Variants in SPON1 observed in about 807,000 individuals in gnomAD.
The protein encoded by SPON1 is spondin 1.
SPON1 carries 52 observed loss-of-function variants against 111.7 expected under a neutral mutation model. The ratio of observed to expected loss-of-function variants is 0.47; its 90% CI spans 0.37 to 0.59. The LOEUF (loss-of-function observed/expected upper bound fraction) is 0.59, where lower values mean the gene tolerates loss of function less well. Ranked by LOEUF, SPON1 falls within the 20% of genes least tolerant of loss-of-function variation. The probability of loss-of-function intolerance (pLI) is 0.00; values close to 1 mark genes in which losing one functional copy is unlikely to be tolerated. For synonymous variants in SPON1, 410 were observed against 395.8 expected, an observed-to-expected ratio of 1.04 and a Z score of -0.43; for missense variants, 957 against 1,068.5, an observed-to-expected ratio of 0.90 and a Z score of 1.46.
chr11:14,100,053 T>C (rs1554924243), intron 5 of SPON1, among the ~76,000 whole-genome samples: 1 of 152,148 alleles, frequency 6.6e-6, no homozygotes, highest in Non-Finnish European at 1.5e-5. Context: ...GGGGTTACAT[T>C]TCAATATGAG....
intron 6 of SPON1, among the ~76,000 whole-genome samples, chr11:14,223,835 GA>G (rs1252806459): frequency 6.6e-6 from 1 of 152,226 alleles, no homozygotes; most frequent in Admixed American, 6.5e-5. Context: ...ATAGCCAAGT[GA>G]CAAGAATTAA....
chr11:14,122,419 C>T (rs537016475), intron 5 of SPON1, among the ~76,000 whole-genome samples: 12 of 152,282 alleles, frequency 7.9e-5, no homozygotes, highest in South Asian at 6.2e-4. Flanking sequence ...GTGATCTGCC[C>T]GCCTCAGCCT....
intron 1 of SPON1, 130 bp from the exon 2 acceptor site, chr11:13,982,717 C>T (rs941949675): frequency 3.9e-5 from 26 of 667,984 alleles, no homozygotes; most frequent in Admixed American, 7.2e-5. Context: ...GGATGAAGGC[C>T]TCAACACTGT....
chr11:14,099,905 C>T (rs1305746815), intron 5 of SPON1, among the ~76,000 whole-genome samples: 1 of 152,044 alleles, frequency 6.6e-6, no homozygotes, highest in African/African-American at 2.4e-5. Flanking sequence ...AGGTGCCACA[C>T]TCTTCCAAAC....
intron 6 of SPON1, among the ~76,000 whole-genome samples, chr11:14,214,649 A>G (rs1197653671): frequency 6.6e-6 from 1 of 152,192 alleles, no homozygotes. Flanking sequence ...TCCAACTGCT[A>G]TGTCAGTCAT....
At chr11:14,205,429 T>C (rs1238174158) in intron 6 of SPON1, among the ~76,000 whole-genome samples, 2 of 152,194 alleles carry the variant, frequency 1.3e-5, no homozygotes, top group African/African-American at 4.8e-5. Context: ...AGATAGCAAT[T>C]TGGCATATTC....
chr11:14,170,875 G>GTACT (rs1848090523), intron 6 of SPON1, among the ~76,000 whole-genome samples: 1 of 152,124 alleles, frequency 6.6e-6, no homozygotes, highest in South Asian at 2.1e-4. Context: ...GCTTTTTGAT[G>GTACT]TGCTGCTGGA....
At chr11:14,226,003 G>A (rs1193786274) in intron 6 of SPON1, among the ~76,000 whole-genome samples, 2 of 152,140 alleles carry the variant, frequency 1.3e-5, no homozygotes, top group Non-Finnish European at 2.9e-5. Flanking sequence ...CTTCAATTTG[G>A]ATTTTTAAAA....
intron 6 of SPON1, among the ~76,000 whole-genome samples, chr11:14,150,379 A>T (rs1847772515): frequency 6.6e-6 from 1 of 151,912 alleles, no homozygotes; most frequent in Non-Finnish European, 1.5e-5. Flanking sequence ...TAGAAGGAAT[A>T]AGTTCCAATG....
chr11:14,260,238 T>C (rs1849156736), intron 13 of SPON1, among the ~76,000 whole-genome samples: 1 of 152,206 alleles, frequency 6.6e-6, no homozygotes, highest in African/African-American at 2.4e-5. Context: ...CCTGAGCCTC[T>C]CCTTTAGTGC....
intron 3 of SPON1, among the ~76,000 whole-genome samples, chr11:14,066,542 C>T (rs1220877117): frequency 6.6e-6 from 1 of 152,174 alleles, no homozygotes; most frequent in Non-Finnish European, 1.5e-5. Context: ...GAAGAGTTTT[C>T]CAACAGCTGA....
intron 6 of SPON1, among the ~76,000 whole-genome samples, chr11:14,240,799 C>T (rs1022625271): frequency 5.9e-5 from 9 of 152,164 alleles, no homozygotes; most frequent in Non-Finnish European, 1.3e-4. Context: ...CAAGAGCAAA[C>T]AGACTGTCAT....
intron 2 of SPON1, among the ~76,000 whole-genome samples, chr11:14,010,350 G>A (rs1196263737): frequency 1.3e-5 from 2 of 151,650 alleles, no homozygotes; most frequent in African/African-American, 4.9e-5. Flanking sequence ...GAGGGGGATG[G>A]GATTAAGGGC....
intron 6 of SPON1, among the ~76,000 whole-genome samples, chr11:14,208,748 G>A (rs561377481): frequency 1.3e-5 from 2 of 152,210 alleles, no homozygotes; most frequent in South Asian, 4.1e-4. Flanking sequence ...TTTGCCCATT[G>A]TTTATTGTAC....
rs781982504 is a variant in SPON1 at position 14,229,296 on chromosome 11, G to A, written c.826-14036G>A. Among the ~76,000 whole-genome samples the A allele has an allele frequency of 4.4e-4, 67 of 152,210 alleles. 1 individual carries two copies. Among genetic ancestry groups the A allele is most frequent in the Non-Finnish European group, 1.3e-4 (9 of 68,038 alleles). On this transcript the variant is annotated intron_variant, in intron 6 of 15. Transcript: ENST00000576479. ...TGAACAAATAATCATGGACAAAGAG[G>A]ATCTGAGAGTCTTGGGTCATCAGTA...
chr11:14,178,745 C>T (rs935472906), intron 6 of SPON1, among the ~76,000 whole-genome samples: 1 of 152,194 alleles, frequency 6.6e-6, no homozygotes, highest in Non-Finnish European at 1.5e-5. Context: ...ATGAAGCCCC[C>T]GGCCCTGTTT....
At chr11:13,989,874 T>C (rs9667271) in intron 2 of SPON1, among the ~76,000 whole-genome samples, 7,187 of 152,138 alleles carry the variant, frequency 0.047, 556 homozygotes, top group African/African-American at 0.16. Context: ...GTTTCCTAAT[T>C]GTGAGTTCTA....
chr11:13,992,565 A>G (rs1848239447), intron 2 of SPON1, among the ~76,000 whole-genome samples: 1 of 152,076 alleles, frequency 6.6e-6, no homozygotes, highest in Non-Finnish European at 1.5e-5. Flanking sequence ...CCGGGGGGTG[A>G]ACGGTTCTGT....
chr11:13,999,583 T>G (rs1848300360), intron 2 of SPON1, among the ~76,000 whole-genome samples: 1 of 152,064 alleles, frequency 6.6e-6, no homozygotes. Context: ...CTTTTGTATA[T>G]TTAGTAGAGA....
Sources: gnomAD v4.1 joint callset for allele counts (sites outside exome capture counted in the v4.1 genomes callset) on GRCh38, gnomAD v4.1.1 for gene constraint, MANE v1.5 for transcripts, NCBI Gene and HGNC (gene_info 2026-07-23, HGNC 2026-07-21) for gene names.